SNX3: variants seen among roughly 807,000 people sequenced by gnomAD.
SNX3 encodes the protein sorting nexin-3.
In SNX3, 5 loss-of-function variants were observed where a neutral mutation model predicts 17.7. That is an observed-to-expected ratio of 0.28 (90% confidence interval 0.15 to 0.59). The LOEUF is 0.59. SNX3 is among the 20% of genes least tolerant of loss of function. The pLI is 0.88. For missense variants in SNX3, 132 were observed against 206.8 expected (o/e 0.64, Z 2.22); for synonymous variants, 91 against 76.5 (o/e 1.19, Z -0.99).
chr6:108,248,176 C>T (rs1016145316), intron 1 of SNX3, among the ~76,000 whole-genome samples: 2 of 152,074 alleles, frequency 1.3e-5, no homozygotes, highest in Non-Finnish European at 2.9e-5. Context: ...CACTCCTGGC[C>T]CCTCAGGGCA....
At chr6:108,217,276 G>C (rs867432331) in intron 2 of SNX3, among the ~76,000 whole-genome samples, 2 of 151,622 alleles carry the variant, frequency 1.3e-5, no homozygotes, top group African/African-American at 4.8e-5. Flanking sequence ...GAAAAGGATA[G>C]CTATGCATTA....
chr6:108,241,513 C>T (rs966048428), intron 1 of SNX3, among the ~76,000 whole-genome samples: 1 of 152,058 alleles, frequency 6.6e-6, no homozygotes. Flanking sequence ...AAGGCTGAAG[C>T]CTCACTGGCT....
chr6:108,222,687 A>G (rs1433841339), intron 2 of SNX3, among the ~76,000 whole-genome samples: 2 of 152,202 alleles, frequency 1.3e-5, no homozygotes, highest in Non-Finnish European at 2.9e-5. Context: ...GAGGGAAAGG[A>G]AGGAAGTAAT....
intron 1 of SNX3, among the ~76,000 whole-genome samples, chr6:108,258,923 G>A (rs1323262325): frequency 6.6e-6 from 1 of 152,110 alleles, no homozygotes; most frequent in Non-Finnish European, 1.5e-5. Flanking sequence ...CATTCAGCAA[G>A]ATAAACTCAA....
At chr6:108,228,809 T>TA (rs1249014669) in intron 1 of SNX3, among the ~76,000 whole-genome samples, 7 of 151,978 alleles carry the variant, frequency 4.6e-5, no homozygotes, top group African/African-American at 1.7e-4. Context: ...TTTCCACACA[T>TA]ACAAAAATAT....
chr6:108,250,939 T>G (rs1176509350), intron 1 of SNX3, among the ~76,000 whole-genome samples: 3 of 152,198 alleles, frequency 2.0e-5, no homozygotes, highest in Non-Finnish European at 4.4e-5. Flanking sequence ...TGCTAAGAGA[T>G]TAAGTGATTC....
intron 1 of SNX3, among the ~76,000 whole-genome samples, chr6:108,249,167 C>G (rs963461011): frequency 6.6e-6 from 1 of 152,150 alleles, no homozygotes. Context: ...CAAGACCAAC[C>G]TGGGCAATGT....
intron 1 of SNX3, among the ~76,000 whole-genome samples, chr6:108,232,499 T>A (rs555703760): frequency 9.9e-5 from 15 of 152,278 alleles, no homozygotes; most frequent in African/African-American, 3.1e-4. Flanking sequence ...AGATACCCTA[T>A]ATGTTACCTG....
At chr6:108,219,148 G>A (rs572299006) in intron 2 of SNX3, among the ~76,000 whole-genome samples, 111 of 150,598 alleles carry the variant, frequency 7.4e-4, no homozygotes, top group African/African-American at 2.6e-3. Context: ...CCAGGAGATC[G>A]AGACCGTCTT....
At chr6:108,244,066 T>C (rs1327740577) in intron 1 of SNX3, among the ~76,000 whole-genome samples, 1 of 151,834 alleles carries the variant, frequency 6.6e-6, no homozygotes, top group Non-Finnish European at 1.5e-5. Flanking sequence ...GAACTGAGAG[T>C]TCTTGGCAAA....
chr6:108,239,560 A>T (rs1180109823), intron 1 of SNX3, among the ~76,000 whole-genome samples: 2 of 152,234 alleles, frequency 1.3e-5, no homozygotes, highest in South Asian at 4.1e-4. Context: ...CACTTACTGA[A>T]TACTTAATGT....
chr6:108,229,350 T>C (rs1775069077), intron 1 of SNX3, among the ~76,000 whole-genome samples: 2 of 151,602 alleles, frequency 1.3e-5, no homozygotes, highest in African/African-American at 4.8e-5. Flanking sequence ...GAATTGACAA[T>C]TGATTTGGCC....
At chr6:108,216,031 A>T (rs946020010) in intron 2 of SNX3, among the ~76,000 whole-genome samples, 1 of 152,200 alleles carries the variant, frequency 6.6e-6, no homozygotes, top group East Asian at 1.9e-4. Flanking sequence ...TCTCTACCCT[A>T]GCACTACTGA....
rs1003719362 is a variant in SNX3 at position 108,260,847 on chromosome 6, G to A, written c.75C>T (p.Pro25=). 9 of 1,613,116 alleles carry A rather than the reference G, an allele frequency of 5.6e-6. No homozygotes were observed. Among genetic ancestry groups the A allele is most frequent in the East Asian group, 4.5e-5 (2 of 44,714 alleles). ...PQNLNDAYGP[P]SNFLEIDVSN... is the part of the protein sequence containing the mutation. ...TCACATCGATCTCGAGGAAGTTGCTGGGGGGTCCGTAGGCGTCATTCAGGT... is the reference window on the plus strand; with the variant it reads ...TCACATCGATCTCGAGGAAGTTGCTAGGGGGTCCGTAGGCGTCATTCAGGT... The change falls in exon 1 of 4, where the codon CCC becomes CCT. Residue 25 remains proline (P), a synonymous_variant. Transcript: ENST00000230085.
intron 1 of SNX3, 27 bp downstream of exon 1, chr6:108,260,733 C>T (rs1472178698): frequency 1.2e-6 from 2 of 1,613,092 alleles, no homozygotes; most frequent in South Asian, 2.2e-5. Context: ...GGAGGGGTTT[C>T]TTGGGAGAGG....
At chr6:108,234,044 C>T (rs1775248747) in intron 1 of SNX3, among the ~76,000 whole-genome samples, 1 of 151,964 alleles carries the variant, frequency 6.6e-6, no homozygotes, top group African/African-American at 2.4e-5. Context: ...CTCAAGACAT[C>T]CTCCTCAAGG....
intron 1 of SNX3, among the ~76,000 whole-genome samples, chr6:108,260,373 T>C (rs1562445598): frequency 6.6e-6 from 1 of 152,236 alleles, no homozygotes; most frequent in Admixed American, 6.5e-5. Flanking sequence ...AAGAGAAAAC[T>C]GGGAAAAGGC....
chr6:108,214,178 G>C lies in SNX3; in HGVS notation c.383+320C>G, dbSNP rs1774495013. Among the ~76,000 whole-genome samples, 3 of 152,076 alleles carry C rather than the reference G, an allele frequency of 2.0e-5. No individual in the cohort carries two copies. The South Asian group carries it at 6.2e-4, about 32-fold the overall frequency. On this transcript the variant is annotated intron_variant, in intron 3 of 3. Coordinates refer to ENST00000230085, the MANE Select transcript of SNX3 (RefSeq NM_003795.6). ...ATTGTAAGTTTTATTGTTCATGCTA[G>C]AACATACCTTAAATCAGAAAGAATC...
intron 1 of SNX3, among the ~76,000 whole-genome samples, chr6:108,244,485 C>T (rs1775621907): frequency 6.6e-6 from 1 of 151,908 alleles, no homozygotes; most frequent in African/African-American, 2.4e-5. Flanking sequence ...ATATTTATTA[C>T]TGTGGTAAAA....
Sources: gnomAD v4.1 joint callset for allele counts (sites outside exome capture counted in the v4.1 genomes callset) on GRCh38, gnomAD v4.1.1 for gene constraint, MANE v1.5 for transcripts, NCBI Gene and HGNC (gene_info 2026-07-23, HGNC 2026-07-21) for gene names.